Variants in DPP6 observed in about 807,000 individuals in gnomAD.
DPP6 encodes the protein A-type potassium channel modulatory protein DPP6.
A neutral mutation model predicts 122.6 loss-of-function variants in DPP6; 69 were observed. That is an observed-to-expected ratio of 0.56 (90% CI 0.46 to 0.69). The LOEUF (loss-of-function observed/expected upper bound fraction) is 0.69, where lower values mean the gene tolerates loss of function less well. Among genes scored for constraint, DPP6 ranks in the 30% least tolerant of loss-of-function variants. DPP6 has a pLI of 0.00. For missense variants in DPP6, 928 were observed against 1,116.9 expected (o/e 0.83, Z 2.41); for synonymous variants, 418 against 433.1 (o/e 0.97, Z 0.43).
intron 1 of DPP6, among the ~76,000 whole-genome samples, chr7:154,231,707 C>G (rs910452098): frequency 6.6e-6 from 1 of 152,094 alleles, no homozygotes; most frequent in Non-Finnish European, 1.5e-5. Context: ...TACCTGTTGT[C>G]TCTCTCCTGG....
intron 6 of DPP6, among the ~76,000 whole-genome samples, chr7:154,645,172 T>C (rs1163469100): frequency 2.0e-5 from 3 of 151,614 alleles, no homozygotes; most frequent in East Asian, 1.9e-4. Flanking sequence ...ACACCATTCT[T>C]CTGCCTCAGC....
chr7:153,882,573 G>T (rs761251819), upstream of DPP6, among the ~76,000 whole-genome samples: 4 of 152,212 alleles, frequency 2.6e-5, no homozygotes, highest in African/African-American at 4.8e-5. Flanking sequence ...TTAAATCAAA[G>T]CCACTTTAAT....
chr7:154,864,149 A>G (rs535818938), intron 17 of DPP6, among the ~76,000 whole-genome samples: 13 of 152,378 alleles, frequency 8.5e-5, no homozygotes, highest in Admixed American at 6.5e-5. Flanking sequence ...CTGCGTGCAC[A>G]CACCATCCTG....
chr7:153,926,276 C>T (rs887452363), intron 1 of DPP6, among the ~76,000 whole-genome samples: 1 of 152,168 alleles, frequency 6.6e-6, no homozygotes, highest in Admixed American at 6.5e-5. Context: ...TAAATTGTCT[C>T]ATTAATTTGT....
chr7:154,805,032 C>A, intron 15 of DPP6, 68 bp downstream of exon 15: 1 of 1,539,660 alleles, frequency 6.5e-7, no homozygotes, highest in Non-Finnish European at 8.8e-7. Context: ...TGCAGAATTG[C>A]ACCTTTTCAG....
rs12534137 is a variant in DPP6 at position 154,833,710 on chromosome 7, A to G, written c.1667-20070A>G. On this transcript the variant is annotated intron_variant, in intron 16 of 25. Transcript: ENST00000377770. The surrounding 1 kb of genome is among the most constrained non-coding windows in gnomAD (Gnocchi z 4.3). ...CCTCTTGTTTCCGATGCCTGGCAAC[A>G]TAAATTCACATAGCCACCAGTTAAT... is the stretch of plus-strand genomic sequence containing the variant. Among the ~76,000 whole-genome samples, 1,104 of 152,344 alleles carry G rather than the reference A, an allele frequency of 7.2e-3. 9 individuals carry two copies. The highest frequency in any genetic ancestry group is 0.031 in the Middle Eastern group (9 of 294).
At chr7:154,313,685 G>GTATATATATATATATATATA (rs1170662489) in intron 1 of DPP6, among the ~76,000 whole-genome samples, 6 of 20,464 alleles carry the variant, frequency 2.9e-4, no homozygotes, top group African/African-American at 6.3e-4. Context: ...TTAAGATATG[G>GTATATATATATATATATATA]TATATATATA....
In DPP6 at chr7:154,321,512, G is replaced by T. The variant is rs560001902; in HGVS notation, c.244-124702G>T. On this transcript the variant is annotated intron_variant, in intron 1 of 25. Transcript: ENST00000377770. The stretch of plus-strand genomic sequence containing the variant: ...AAATTGATGATGGCGGCCAGGCGCG[G>T]TCGCTCACGTCTGTAATCCCAGCAC... Among the ~76,000 whole-genome samples the T allele has an allele frequency of 3.9e-4, 60 of 152,110 alleles. 1 individual carries two copies. In the South Asian group the frequency reaches 0.012, roughly 30 times the overall value.
chr7:154,195,800 CCTT>C (rs140232959), intron 1 of DPP6, among the ~76,000 whole-genome samples: 11,453 of 152,178 alleles, frequency 0.075, 495 homozygotes, highest in South Asian at 0.13. Flanking sequence ...TCAGGTAGGT[CCTT>C]CTTCTTCAGA....
chr7:154,698,620 T>G (rs779542945), intron 7 of DPP6, among the ~76,000 whole-genome samples: 3 of 152,238 alleles, frequency 2.0e-5, no homozygotes, highest in Non-Finnish European at 4.4e-5. Flanking sequence ...TCACATATAT[T>G]TAATAGTAAA....
At chr7:154,107,744 G>T (rs1354080334) in intron 1 of DPP6, among the ~76,000 whole-genome samples, 1 of 152,168 alleles carries the variant, frequency 6.6e-6, no homozygotes, top group Non-Finnish European at 1.5e-5. Flanking sequence ...GGAGGTTGGG[G>T]AACCTTACCA....
chr7:154,768,600 T>C (rs556409444), intron 8 of DPP6, among the ~76,000 whole-genome samples: 15 of 152,264 alleles, frequency 9.9e-5, no homozygotes, highest in Admixed American at 9.2e-4. Flanking sequence ...CCTTGGGAAG[T>C]GTATTCTCCC....
the DPP6 span, among the ~76,000 whole-genome samples, chr7:153,772,115 A>T: frequency 6.6e-6 from 1 of 152,126 alleles, no homozygotes; most frequent in East Asian, 1.9e-4. Context: ...ATACAGTCTC[A>T]CTCTGTTGCC....
At chr7:154,130,099 C>G (rs564006935) in intron 1 of DPP6, among the ~76,000 whole-genome samples, 1 of 134,778 alleles carries the variant, frequency 7.4e-6, no homozygotes, top group Non-Finnish European at 1.6e-5. Flanking sequence ...CCCACACACA[C>G]AAAAAAAAAA....
the DPP6 span, among the ~76,000 whole-genome samples, chr7:153,860,340 C>CT: frequency 6.6e-6 from 1 of 152,134 alleles, no homozygotes; most frequent in Admixed American, 6.5e-5. Flanking sequence ...CCCCAGGAGG[C>CT]TGACTGGCAG....
At chr7:153,822,615 G>A in the DPP6 span, among the ~76,000 whole-genome samples, 3 of 152,184 alleles carry the variant, frequency 2.0e-5, no homozygotes, top group African/African-American at 4.8e-5. Flanking sequence ...GAGATGGTAT[G>A]ATTATTAAAC....
chr7:154,551,655 A>T (rs1829646288), intron 4 of DPP6, among the ~76,000 whole-genome samples: 1 of 152,042 alleles, frequency 6.6e-6, no homozygotes, highest in South Asian at 2.1e-4. Flanking sequence ...CATCTCAGTA[A>T]TTTCATTCTC....
rs1440057464 is a variant in DPP6 at position 154,821,200 on chromosome 7, G to A, written c.1666+14088G>A. ...CCTAAACTGTGTTGGCTGCTAGAGA[G>A]CTTAGCATGAAATGTGTGGCATATG... is the stretch of plus-strand genomic sequence containing the variant. On this transcript the variant is annotated intron_variant, in intron 16 of 25. Coordinates refer to ENST00000377770, the MANE Select transcript of DPP6 (RefSeq NM_130797.4). The surrounding 1 kb of genome is among the most constrained non-coding windows in gnomAD (Gnocchi z 4.2). Among the ~76,000 whole-genome samples the A allele has an allele frequency of 3.3e-5, 5 of 152,196 alleles. No homozygotes were observed. Among genetic ancestry groups the A allele is most frequent in the Non-Finnish European group, 7.3e-5 (5 of 68,042 alleles).
intron 8 of DPP6, among the ~76,000 whole-genome samples, chr7:154,754,541 AATG>A (rs1477685192): frequency 1.3e-5 from 2 of 152,262 alleles, no homozygotes; most frequent in Non-Finnish European, 2.9e-5. Context: ...GGAAATTAAA[AATG>A]ATGATAGGGT....
Sources: gnomAD v4.1 joint callset for allele counts (sites outside exome capture counted in the v4.1 genomes callset) on GRCh38, gnomAD v4.1.1 for gene constraint, Gnocchi (gnomAD v3.1) non-coding constraint, MANE v1.5 for transcripts, NCBI Gene and HGNC (gene_info 2026-07-23, HGNC 2026-07-21) for gene names.